KAZN: variants seen among roughly 807,000 people sequenced by gnomAD.
KAZN encodes the protein kazrin.
In KAZN, 40 loss-of-function variants were observed where a neutral mutation model predicts 87.4. That is an observed-to-expected ratio of 0.46 (90% CI 0.36 to 0.60). The LOEUF is 0.60. KAZN is among the 20% of genes least tolerant of loss of function. The pLI is 0.00. For synonymous variants in KAZN, 466 were observed against 458.3 expected, an observed-to-expected ratio of 1.02 and a Z score of -0.22; for missense variants, 898 against 1,073.9, an observed-to-expected ratio of 0.84 and a Z score of 2.29.
chr1:14,793,814 G>T (rs933337796), intron 1 of KAZN, among the ~76,000 whole-genome samples: 1 of 152,124 alleles, frequency 6.6e-6, no homozygotes, highest in African/African-American at 2.4e-5. Flanking sequence ...TTTGTATTTG[G>T]AAGCCAGTGA....
chr1:14,610,194 G>A (rs1428535886), intron 1 of KAZN, among the ~76,000 whole-genome samples: 1 of 106,414 alleles, frequency 9.4e-6, no homozygotes, highest in Non-Finnish European at 1.8e-5. Flanking sequence ...CCAATGACCT[G>A]TTTGTTTGTT....
chr1:14,261,145 G>A (rs1017985181), intron 2 of KAZN, among the ~76,000 whole-genome samples: 1 of 152,176 alleles, frequency 6.6e-6, no homozygotes, highest in African/African-American at 2.4e-5. Context: ...AAGTAGGGTG[G>A]GGAATTGGAC....
At chr1:14,638,690 C>G (rs990206567) in intron 1 of KAZN, among the ~76,000 whole-genome samples, 2 of 152,126 alleles carry the variant, frequency 1.3e-5, no homozygotes, top group Non-Finnish European at 2.9e-5. Context: ...AGATGGGCCT[C>G]TCTGAAGGAT....
intron 2 of KAZN, among the ~76,000 whole-genome samples, chr1:14,473,682 T>C (rs1304085481): frequency 6.6e-6 from 1 of 150,914 alleles, no homozygotes; most frequent in Non-Finnish European, 1.5e-5. Flanking sequence ...CTCTTCATCA[T>C]CACAGAAGCC....
At chr1:14,652,198 T>G (rs560757712) in intron 1 of KAZN, among the ~76,000 whole-genome samples, 1 of 152,304 alleles carries the variant, frequency 6.6e-6, no homozygotes, top group African/African-American at 2.4e-5. Flanking sequence ...GGCATGTAAT[T>G]TTGATCCTGT....
chr1:14,388,859 C>A (rs1182562863), intron 2 of KAZN, among the ~76,000 whole-genome samples: 1 of 152,050 alleles, frequency 6.6e-6, no homozygotes, highest in Non-Finnish European at 1.5e-5. Flanking sequence ...AGGATCACAT[C>A]AAATTAAAAG....
At chr1:13,922,562 G>C (rs527735654) in intron 1 of KAZN, among the ~76,000 whole-genome samples, 1 of 152,290 alleles carries the variant, frequency 6.6e-6, no homozygotes, top group African/African-American at 2.4e-5. Context: ...GCTTGTGCTT[G>C]CTGTGCTTAG....
chr1:14,030,668 AC>A (rs1641287478), intron 1 of KAZN, among the ~76,000 whole-genome samples: 2 of 151,422 alleles, frequency 1.3e-5, no homozygotes, highest in Non-Finnish European at 2.9e-5. Context: ...ACACACACAC[AC>A]ACACACACCA....
intron 1 of KAZN, among the ~76,000 whole-genome samples, chr1:14,846,836 G>C (rs1486114980): frequency 6.6e-6 from 1 of 152,148 alleles, no homozygotes; most frequent in Non-Finnish European, 1.5e-5. Flanking sequence ...TATATAGGAA[G>C]GTGACTGTGG....
At chr1:15,018,484 T>C (rs929824438) in intron 2 of KAZN, among the ~76,000 whole-genome samples, 4 of 151,426 alleles carry the variant, frequency 2.6e-5, no homozygotes, top group Non-Finnish European at 4.4e-5. Context: ...TTTTTTTTGC[T>C]GCCACGCCTC....
upstream of KAZN, among the ~76,000 whole-genome samples, chr1:14,595,659 C>T (rs1253788979): frequency 7.0e-5 from 9 of 129,250 alleles, no homozygotes; most frequent in African/African-American, 1.6e-4. Context: ...CCAGCCTGGG[C>T]GACAGAGCAA....
intron 1 of KAZN, among the ~76,000 whole-genome samples, chr1:14,927,174 G>A (rs10927579): frequency 0.21 from 32,041 of 152,148 alleles, 5,395 homozygotes; most frequent in African/African-American, 0.45. Context: ...TCTGAAGGAC[G>A]GATCATTCCA....
At chr1:14,834,492 G>T (rs61772313) in intron 1 of KAZN, among the ~76,000 whole-genome samples, 7,678 of 151,092 alleles carry the variant, frequency 0.051, 310 homozygotes, top group Non-Finnish European at 0.071. Flanking sequence ...CTCCCAAGTA[G>T]CTGGGACTAC....
chr1:14,243,258 G>C (rs1288483242), intron 2 of KAZN, among the ~76,000 whole-genome samples: 1 of 152,114 alleles, frequency 6.6e-6, no homozygotes, highest in African/African-American at 2.4e-5. Flanking sequence ...TCTCCTGTCA[G>C]AGCCACCTGC....
intron 1 of KAZN, among the ~76,000 whole-genome samples, chr1:14,823,720 A>G (rs1323837092): frequency 1.7e-4 from 26 of 152,146 alleles, no homozygotes; most frequent in Admixed American, 1.7e-3. Context: ...GAAGCCCAGA[A>G]GGGGAGGTCC....
rs1640958210 is a variant in KAZN, at chr1:15,099,592, C to T, written c.1548-1951C>T. 1.3e-5 allele frequency among the ~76,000 whole-genome samples: 2 copies of T among 152,024 alleles called. No homozygotes were observed. The highest frequency in any genetic ancestry group is 1.5e-5 in the Non-Finnish European group (1 of 67,998). On this transcript the variant is annotated intron_variant, in intron 10 of 14. Coordinates refer to ENST00000376030, the MANE Select transcript of KAZN (RefSeq NM_201628.3). This position sits in a 1 kb window ranked among gnomAD's most constrained non-coding sequence, Gnocchi z 5.4. ...GCCTCCAGGAAACGGCCCCCAGGACCCCAAGCCCCATGTGCGTTGGGGGAG... is the reference window on the plus strand; with the variant it reads ...GCCTCCAGGAAACGGCCCCCAGGACTCCAAGCCCCATGTGCGTTGGGGGAG...
chr1:14,841,534 T>G (rs1648017055), intron 1 of KAZN, among the ~76,000 whole-genome samples: 1 of 151,810 alleles, frequency 6.6e-6, no homozygotes, highest in African/African-American at 2.4e-5. Context: ...GCAGGGACTT[T>G]TTTAAATCCC....
chr1:13,985,502 A>G (rs1638971713), intron 1 of KAZN, among the ~76,000 whole-genome samples: 1 of 141,218 alleles, frequency 7.1e-6, no homozygotes, highest in African/African-American at 2.6e-5. Context: ...TGGGAATTGA[A>G]CAATGAGAAC....
intron 1 of KAZN, among the ~76,000 whole-genome samples, chr1:14,951,124 T>G (rs1027214959): frequency 6.6e-6 from 1 of 152,152 alleles, no homozygotes; most frequent in African/African-American, 2.4e-5. Flanking sequence ...ATAACTGTTA[T>G]CACCTGGGCA....
Sources: gnomAD v4.1 joint callset for allele counts (sites outside exome capture counted in the v4.1 genomes callset) on GRCh38, gnomAD v4.1.1 for gene constraint, Gnocchi (gnomAD v3.1) non-coding constraint, MANE v1.5 for transcripts, NCBI Gene and HGNC (gene_info 2026-07-23, HGNC 2026-07-21) for gene names.